The following SYNPR variants were observed in gnomAD, a reference collection of about 807,000 sequenced individuals.
The protein encoded by SYNPR is synaptoporin.
In SYNPR, 23 loss-of-function variants were observed where a neutral mutation model predicts 32.9. That is an observed-to-expected ratio of 0.70 (90% CI 0.50 to 0.99). The LOEUF (loss-of-function observed/expected upper bound fraction) is 0.99, where lower values mean the gene tolerates loss of function less well. Ranked by LOEUF, SYNPR falls within the 50% of genes least tolerant of loss-of-function variation. SYNPR has a pLI of 0.00. For missense variants in SYNPR, 318 were observed against 349.3 expected, an observed-to-expected ratio of 0.91 and a Z score of 0.71; for synonymous variants, 146 against 135.9, an observed-to-expected ratio of 1.07 and a Z score of -0.52.
At chr3:63,521,700 G>C (rs1048256559) in intron 3 of SYNPR, among the ~76,000 whole-genome samples, 12 of 152,322 alleles carry the variant, frequency 7.9e-5, no homozygotes, top group African/African-American at 2.9e-4. Flanking sequence ...CATTGGATCA[G>C]GCAAATCTGG....
chr3:63,528,511 A>C (rs1193503325), intron 3 of SYNPR, among the ~76,000 whole-genome samples: 1 of 151,858 alleles, frequency 6.6e-6, no homozygotes, highest in African/African-American at 2.4e-5. Context: ...TGAAACTGCA[A>C]CTCCCAGGGC....
the SYNPR span, among the ~76,000 whole-genome samples, chr3:63,223,289 C>A: frequency 1.6e-5 from 2 of 124,906 alleles, no homozygotes; most frequent in East Asian, 2.1e-4. Flanking sequence ...TACCAAAGAC[C>A]CTGAGGTTTT....
the SYNPR span, among the ~76,000 whole-genome samples, chr3:63,218,096 G>T: frequency 6.6e-6 from 1 of 152,122 alleles, no homozygotes; most frequent in Non-Finnish European, 1.5e-5. Flanking sequence ...TTGTGCCATT[G>T]CACACCAGCC....
chr3:63,598,548 G>T (rs369940238), intron 4 of SYNPR, among the ~76,000 whole-genome samples: 3 of 152,112 alleles, frequency 2.0e-5, no homozygotes, highest in Non-Finnish European at 4.4e-5. Context: ...TTTGGGTACC[G>T]ATTGAGATGA....
chr3:63,298,106 T>C lies in SYNPR; in HGVS notation c.84+19364T>C, dbSNP rs191583552. Among the ~76,000 whole-genome samples the C allele has an allele frequency of 8.3e-4, 127 of 152,268 alleles. 1 individual carries two copies. The highest frequency in any genetic ancestry group is 1.4e-3 in the Admixed American group (22 of 15,296). ...TCAGGCCCCTCCCATAATTCTAATC[T>C]TGTGGCCTATCATTAGTTTTAGGAA... is the stretch of plus-strand genomic sequence containing the variant. On this transcript the variant is annotated intron_variant, in intron 2 of 5. Transcript: ENST00000478300.
At chr3:63,522,644 C>A (rs1701937531) in intron 3 of SYNPR, among the ~76,000 whole-genome samples, 2 of 152,188 alleles carry the variant, frequency 1.3e-5, no homozygotes, top group African/African-American at 4.8e-5. Context: ...ACCTGCCCTG[C>A]TGAAGGACTG....
intron 3 of SYNPR, among the ~76,000 whole-genome samples, chr3:63,531,012 A>G (rs1702103550): frequency 6.6e-6 from 1 of 152,102 alleles, no homozygotes; most frequent in Non-Finnish European, 1.5e-5. Context: ...TGGCTGTGCC[A>G]GCAGGGAAAC....
chr3:63,354,573 G>C (rs962346780), intron 2 of SYNPR, among the ~76,000 whole-genome samples: 1 of 152,172 alleles, frequency 6.6e-6, no homozygotes. Flanking sequence ...TCCCTTAGTA[G>C]GAAGAACTTC....
chr3:63,533,509 G>C (rs1230219794), intron 3 of SYNPR, among the ~76,000 whole-genome samples: 1 of 152,094 alleles, frequency 6.6e-6, no homozygotes, highest in Non-Finnish European at 1.5e-5. Context: ...ATCACCAAGA[G>C]TCCTAAGGTT....
At position 63,486,806 on chromosome 3, in the gene SYNPR, CT is replaced by C. The variant is rs547797302; in HGVS notation, c.209+5851del. On this transcript the variant is annotated intron_variant, in intron 3 of 5. Transcript: ENST00000478300. Reference sequence around the variant, plus strand: ...GTTACTTCAGTTCACAATACTTCCCCTGGTGGTTTTCAGTTCAGGTCTTATA... The same window carrying C: ...GTTACTTCAGTTCACAATACTTCCCCGGTGGTTTTCAGTTCAGGTCTTATA... Among the ~76,000 whole-genome samples the C allele has an allele frequency of 1.0e-3, 158 of 152,244 alleles. 1 individual carries two copies. Among genetic ancestry groups the C allele is most frequent in the African/African-American group, 3.3e-3 (136 of 41,544 alleles).
rs201387552 is a variant in SYNPR at position 63,371,708 on chromosome 3, G to A, written c.84+92966G>A. Among the ~76,000 whole-genome samples the A allele has an allele frequency of 6.6e-5, 10 of 152,310 alleles. No individual in the cohort carries two copies. In the East Asian group the frequency reaches 7.7e-4, roughly 12 times the overall value. The stretch of plus-strand genomic sequence containing the variant: ...CAGACTCTTTTCCACCTGAGTCCTC[G>A]TTCCAACTTCTCCTCACTGAGTGGG... On this transcript the variant is annotated intron_variant, in intron 2 of 5. Coordinates refer to ENST00000478300, the MANE Select transcript of SYNPR (RefSeq NM_001130003.2).
intron 3 of SYNPR, among the ~76,000 whole-genome samples, chr3:63,488,933 C>T (rs1701205873): frequency 6.6e-6 from 1 of 152,260 alleles, no homozygotes; most frequent in Admixed American, 6.5e-5. Flanking sequence ...CCCCACTGTT[C>T]CCCTCTCAAT....
chr3:63,596,573 G>C lies in SYNPR; in HGVS notation c.409-12552G>C, dbSNP rs112182204. Among the ~76,000 whole-genome samples the C allele has an allele frequency of 3.5e-3, 528 of 152,164 alleles. 3 individuals are homozygous for C. Among genetic ancestry groups the C allele is most frequent in the African/African-American group, 0.012 (500 of 41,530 alleles). On this transcript the variant is annotated intron_variant, in intron 4 of 5. Coordinates refer to ENST00000478300, the MANE Select transcript of SYNPR (RefSeq NM_001130003.2). ...TCCTTCTTTGGGCTGCCAACACAGA[G>C]GGCCCAAGCCTCCCTTTGGTCACAC...
At position 63,500,563 on chromosome 3, in the gene SYNPR, T is replaced by C. The variant is rs376547071; in HGVS notation, c.209+19607T>C. On this transcript the variant is annotated intron_variant, in intron 3 of 5. Transcript: ENST00000478300. ...ACTGAATATATGACAGTGCTTATTA[T>C]GGATGTAGATGTGGACTGTAATGAT... Among the ~76,000 whole-genome samples, 8 of 152,350 alleles carry C rather than the reference T, an allele frequency of 5.3e-5. No individual in the cohort carries two copies. The East Asian group carries it at 1.4e-3, about 26-fold the overall frequency.
In SYNPR at chr3:63,278,526, G is replaced by A. The variant is rs1376623980; in HGVS notation, c.-8G>A. 3 of 1,548,162 alleles carry A rather than the reference G, an allele frequency of 1.9e-6. No homozygotes were observed. The Admixed American group carries it at 5.9e-5, about 31-fold the overall frequency. ...CTGGTGGATGAGAAGAGCGAGCGAG[G>A]GCGAGCTATGGACCCTGTGAGTCAG... On this transcript the variant is annotated 5_prime_UTR_variant, in exon 1 of 6. Coordinates refer to ENST00000478300, the MANE Select transcript of SYNPR (RefSeq NM_001130003.2).
chr3:63,418,478 A>G (rs1207427048), intron 2 of SYNPR, among the ~76,000 whole-genome samples: 1 of 152,104 alleles, frequency 6.6e-6, no homozygotes, highest in Non-Finnish European at 1.5e-5. Context: ...GGGTATTTTT[A>G]CAGCAGCGCC....
At chr3:63,448,675 T>A (rs1308595913) in intron 2 of SYNPR, among the ~76,000 whole-genome samples, 3 of 152,194 alleles carry the variant, frequency 2.0e-5, no homozygotes, top group African/African-American at 7.2e-5. Flanking sequence ...ACTTTTTTTT[T>A]ATTTAATAAA....
intron 2 of SYNPR, among the ~76,000 whole-genome samples, chr3:63,301,168 A>G (rs542210751): frequency 6.6e-6 from 1 of 152,176 alleles, no homozygotes; most frequent in East Asian, 1.9e-4. Flanking sequence ...TTCCTTCATC[A>G]TCTGTTACTT....
chr3:63,353,953 T>A (rs1575607765), intron 2 of SYNPR, among the ~76,000 whole-genome samples: 1 of 152,296 alleles, frequency 6.6e-6, no homozygotes, highest in African/African-American at 2.4e-5. Context: ...CTTAGGAGGC[T>A]GTATGTATGA....
Sources: gnomAD v4.1 joint callset for allele counts (sites outside exome capture counted in the v4.1 genomes callset) on GRCh38, gnomAD v4.1.1 for gene constraint, MANE v1.5 for transcripts, NCBI Gene and HGNC (gene_info 2026-07-23, HGNC 2026-07-21) for gene names.